Variants in PTGES2 observed in about 807,000 individuals in gnomAD.
The protein encoded by PTGES2 is prostaglandin E synthase 2, also known as GATE-binding factor 1.
In PTGES2, 35 loss-of-function variants were observed where a neutral mutation model predicts 44.5. The ratio of observed to expected loss-of-function variants is 0.79; its 90% CI spans 0.60 to 1.04. PTGES2 has a LOEUF of 1.04. Ranked by LOEUF, PTGES2 falls within the 50% of genes least tolerant of loss-of-function variation. PTGES2 has a pLI of 0.00. For missense variants in PTGES2, 517 were observed against 521.4 expected (o/e 0.99, Z 0.08); for synonymous variants, 221 against 227.5 (o/e 0.97, Z 0.26).
At chr9:128,128,353 G>C (rs907831082), upstream of PTGES2, 19 of 456,256 alleles carry the variant, frequency 4.2e-5, no homozygotes, top group African/African-American at 3.4e-4. Flanking sequence ...GGGGTGCCAG[G>C]CTGCTCGGTC....
At chr9:128,125,095 ATC>A in intron 2 of PTGES2, 147 bp downstream of exon 2, 1 of 784,164 alleles carries the variant, frequency 1.3e-6, no homozygotes, top group Non-Finnish European at 2.0e-6. Flanking sequence ...TTTATTGAGC[ATC>A]TACCGTATGC....
At position 128,123,615 on chromosome 9, in the gene PTGES2, G is replaced by T. The variant is rs540231452; in HGVS notation, c.686+87C>A. 141 of 1,399,266 alleles carry T rather than the reference G, an allele frequency of 1.0e-4. 2 individuals are homozygous for T. In the South Asian group the frequency reaches 1.7e-3, roughly 17 times the overall value. The allele number at this position is 1,399,266 out of a possible 1,614,324, so 86.7% of individuals were successfully genotyped here. On this transcript the variant is annotated intron_variant, in intron 4 of 6. Transcript: ENST00000338961. The surrounding 1 kb of genome is among the most constrained non-coding windows in gnomAD (Gnocchi z 4.4). ...CCGCTGGTCTCCCATGCTGCTCCCT[G>T]CTCACGCCATCTTGCTCAGCTTGGT...
At chr9:128,124,927 G>A in intron 2 of PTGES2, 8 of 1,219,336 alleles carry the variant, frequency 6.6e-6, no homozygotes, top group South Asian at 3.6e-5. Context: ...GCGCAGAGAG[G>A]CTAAGTGACT....
chr9:128,121,339 C>CT (rs1214803352), intron 6 of PTGES2, 66 bp from the exon 7 acceptor site: 10 of 1,554,068 alleles, frequency 6.4e-6, no homozygotes, highest in Non-Finnish European at 7.9e-6. Context: ...CCTTCGTTCC[C>CT]TGCCAGCTGT....
Position 128,123,250 on chromosome 9 carries a change from CTT to C in PTGES2, c.687-118_687-117del, listed in dbSNP as rs35821438. The stretch of plus-strand genomic sequence containing the variant: ...GAAGCTGAAGCCTGAGCAGGAAGGT[CTT>C]TTTTTTTTTTTTGAGACAAAGTCTC... On this transcript the variant is annotated intron_variant, in intron 4 of 6. Coordinates refer to ENST00000338961, the MANE Select transcript of PTGES2 (RefSeq NM_025072.7). The surrounding 1 kb of genome is among the most constrained non-coding windows in gnomAD (Gnocchi z 4.4). 110,269 of 618,442 alleles carry C rather than the reference CTT, an allele frequency of 0.18. No homozygotes were observed. Among genetic ancestry groups the C allele is most frequent in the Non-Finnish European group, 0.2 (77,633 of 386,642 alleles). 38.3% of individuals were successfully genotyped at this position (618,442 alleles called of 1,614,324 possible).
At chr9:128,126,167 G>C (rs543798179) in intron 1 of PTGES2, among the ~76,000 whole-genome samples, 35 of 152,374 alleles carry the variant, frequency 2.3e-4, no homozygotes, top group Admixed American at 9.1e-4. Flanking sequence ...TGTGTTCAGA[G>C]GGGAAGCTGG....
intron 5 of PTGES2, 52 bp downstream of exon 5, chr9:128,122,882 G>C (rs1056053729): frequency 6.3e-7 from 1 of 1,588,948 alleles, no homozygotes; most frequent in Non-Finnish European, 8.6e-7. Flanking sequence ...ACCACTGCTC[G>C]TGGCACCGGA....
At chr9:128,126,878 C>A (rs1421036525) in intron 1 of PTGES2, among the ~76,000 whole-genome samples, 1 of 129,712 alleles carries the variant, frequency 7.7e-6, no homozygotes, top group South Asian at 2.5e-4. Flanking sequence ...AAAAAAAAGT[C>A]TCCTTAAAAC....
upstream of PTGES2, chr9:128,127,859 C>T (rs1834697537): frequency 6.9e-6 from 6 of 864,618 alleles, no homozygotes; most frequent in Non-Finnish European, 9.2e-6. Context: ...GCTCTCGGGA[C>T]TGGGCGTGTG....
chr9:128,125,214 G>A (rs1564211490), intron 2 of PTGES2, 30 bp downstream of exon 2: 2 of 1,546,798 alleles, frequency 1.3e-6, no homozygotes, highest in Non-Finnish European at 1.7e-6. Flanking sequence ...AGGAAAGGAG[G>A]AAGGATGCAG....
rs1588070843 is a variant in PTGES2 at position 128,123,822 on chromosome 9, T to C, written c.566A>G (p.Tyr189Cys). The change falls in exon 4 of 7, where the codon TAC becomes TGC. Residue 189 changes from tyrosine to cysteine, a missense_variant. Tyr to Cys is a radical substitution (Grantham distance 194). Coordinates refer to ENST00000338961, the MANE Select transcript of PTGES2 (RefSeq NM_025072.7). This position sits in a 1 kb window ranked among gnomAD's most constrained non-coding sequence, Gnocchi z 4.4. ...CTCGTTCACAGCCTTCATGGCTGGG[T>C]AGTAGGTGATGATCTCTTCCAGGGG... Reference protein sequence around the residue: ...GQPLEEIITYYPAMKAVNEQG... With the variant: ...GQPLEEIITYCPAMKAVNEQG... 2 of 1,613,788 alleles carry C rather than the reference T, an allele frequency of 1.2e-6. No homozygotes were observed. The highest frequency in any genetic ancestry group is 1.7e-6 in the Non-Finnish European group (2 of 1,179,950).
Position 128,125,313 on chromosome 9 carries a change from G to A in PTGES2, c.408C>T (p.Arg136=), listed in dbSNP as rs772837708. Residue 136 remains arginine (R), a synonymous_variant, in exon 2 of 7, where the codon CGC becomes CGT. Coordinates refer to ENST00000338961, the MANE Select transcript of PTGES2 (RefSeq NM_025072.7). The stretch of plus-strand genomic sequence containing the variant: ...AGGAGGAGAACTTGATCTCAGCCCT[G>A]CGCACAGGGTTCACCTCCACCACCT... The part of the protein sequence containing the change: ...PYQVVEVNPV[R]RAEIKFSSYR... The A allele has an allele frequency of 1.2e-6, 2 of 1,613,976 alleles. No individual in the cohort carries two copies. The highest frequency in any genetic ancestry group is 1.7e-5 in the Admixed American group (1 of 59,980).
Position 128,124,472 on chromosome 9 carries a change from G to A in PTGES2, c.536+20C>T. 1 of 1,612,326 alleles carries A rather than the reference G, an allele frequency of 6.2e-7. No homozygotes were observed. The highest frequency in any genetic ancestry group is 1.3e-5 in the African/African-American group (1 of 75,000). ...AGCCACCAAAAGCAATGGCCACCTG[G>A]TCTCCGAGGGGCTCCTTACCCCGAC... On this transcript the variant is annotated intron_variant, in intron 3 of 6. Transcript: ENST00000338961.
At chr9:128,122,881 C>G in intron 5 of PTGES2, 53 bp downstream of exon 5, 6 of 1,586,702 alleles carry the variant, frequency 3.8e-6, no homozygotes, top group Non-Finnish European at 5.2e-6. Flanking sequence ...CACCACTGCT[C>G]GTGGCACCGG....
rs376765077 is a variant in PTGES2, at chr9:128,121,286, C to A, written c.1006-13G>T. 4.1e-5 allele frequency: 65 copies of A among 1,602,022 alleles called. No homozygotes were observed. In the African/African-American group the frequency reaches 8.3e-4, roughly 20 times the overall value. ...CGCCATACACCGCCTGGGGCACGAA[C>A]AGAAACGTGTCACCATAGCTGGTTT... On this transcript the variant is annotated splice_polypyrimidine_tract_variant and intron_variant, in intron 6 of 6. Coordinates refer to ENST00000338961, the MANE Select transcript of PTGES2 (RefSeq NM_025072.7).
rs1379226766 is a variant in PTGES2, at chr9:128,123,192, G to A, written c.687-58C>T. 3 of 1,541,872 alleles carry A rather than the reference G, an allele frequency of 1.9e-6. No homozygotes were observed. Among genetic ancestry groups the A allele is most frequent in the Non-Finnish European group, 2.6e-6 (3 of 1,133,676 alleles). On this transcript the variant is annotated intron_variant, in intron 4 of 6. Transcript: ENST00000338961. This position sits in a 1 kb window ranked among gnomAD's most constrained non-coding sequence, Gnocchi z 4.4. ...ACCCGGGCTGTGTTGGGAGCAGGCT[G>A]CATTCTCTAGAACATACCCACTGCA...
upstream of PTGES2, chr9:128,127,965 G>A (rs1834705690): frequency 1.1e-5 from 5 of 449,792 alleles, no homozygotes; most frequent in African/African-American, 1.0e-4. Flanking sequence ...AAGGCTCTTG[G>A]GTAGTGACCC....
intron 2 of PTGES2, 35 bp downstream of exon 2, chr9:128,125,209 A>G (rs899317415): frequency 1.3e-6 from 2 of 1,542,754 alleles, no homozygotes; most frequent in East Asian, 2.4e-5. Flanking sequence ...AACCCAGGAA[A>G]GGAGGAAGGA....
At chr9:128,126,858 CCG>C (rs1564212935) in intron 1 of PTGES2, among the ~76,000 whole-genome samples, 3 of 34,510 alleles carry the variant, frequency 8.7e-5, no homozygotes. Flanking sequence ...AAAAAAAACT[CCG>C]TCTCAAAAAA....
Sources: gnomAD v4.1 joint callset for allele counts (sites outside exome capture counted in the v4.1 genomes callset) on GRCh38, gnomAD v4.1.1 for gene constraint, Gnocchi (gnomAD v3.1) non-coding constraint, MANE v1.5 for transcripts, NCBI Gene and HGNC (gene_info 2026-07-23, HGNC 2026-07-21) for gene names.